The following ZNF680 variants were observed in gnomAD, a reference collection of about 807,000 sequenced individuals.
The protein encoded by ZNF680 is zinc finger protein 680.
In ZNF680, 6 loss-of-function variants were observed where a neutral mutation model predicts 12.1. The observed-to-expected ratio is 0.49, with a 90% CI of 0.27 to 0.98. The LOEUF (loss-of-function observed/expected upper bound fraction) is 0.98, where lower values mean the gene tolerates loss of function less well. Ranked by LOEUF, ZNF680 falls within the 50% of genes least tolerant of loss-of-function variation. The pLI is 0.12. For missense variants in ZNF680, 561 were observed against 616.3 expected (o/e 0.91, Z 0.95); for synonymous variants, 170 against 199.3 (o/e 0.85, Z 1.24).
At chr7:64,517,834 C>T (rs577458249), downstream of ZNF680, among the ~76,000 whole-genome samples, 1 of 151,672 alleles carries the variant, frequency 6.6e-6, no homozygotes, top group African/African-American at 2.4e-5. Flanking sequence ...GAATTATGAA[C>T]AATGATCATC....
At chr7:64,517,637 T>C (rs1391564401), downstream of ZNF680, among the ~76,000 whole-genome samples, 1 of 151,344 alleles carries the variant, frequency 6.6e-6, no homozygotes, top group East Asian at 1.9e-4. Context: ...GAAAAGGACA[T>C]AGCCAAAAAA....
At position 64,528,742 on chromosome 7, in the gene ZNF680, C is replaced by T. The variant is rs144939877; in HGVS notation, c.254-6242G>A. 4.4e-3 allele frequency among the ~76,000 whole-genome samples: 671 copies of T among 152,272 alleles called. 4 individuals are homozygous for T. The highest frequency in any genetic ancestry group is 5.3e-3 in the Non-Finnish European group (363 of 68,036). On this transcript the variant is annotated intron_variant, in intron 3 of 3. Transcript: ENST00000309683. ...ACCCAGTGGTCCTTCCCTACCCACA[C>T]TCGTATCTGAACACAAAGGGCATAT...
chr7:64,509,840 AAGG>A, the ZNF680 span, among the ~76,000 whole-genome samples: 57 of 152,144 alleles, frequency 3.7e-4, no homozygotes, highest in African/African-American at 1.2e-3. Context: ...GGAGAGAGAG[AAGG>A]AGGAGAAAGA....
At chr7:64,530,324 A>G (rs1785792665) in intron 3 of ZNF680, among the ~76,000 whole-genome samples, 2 of 152,202 alleles carry the variant, frequency 1.3e-5, no homozygotes, top group African/African-American at 4.8e-5. Context: ...TCTCACATCT[A>G]AATACTAACA....
In ZNF680 at chr7:64,521,134, A is replaced by G. The variant is rs1345412054; in HGVS notation, c.*27T>C. 10 of 1,570,720 alleles carry G rather than the reference A, an allele frequency of 6.4e-6. No individual in the cohort carries two copies. Among genetic ancestry groups the G allele is most frequent in the Non-Finnish European group, 8.6e-6 (10 of 1,160,406 alleles). On this transcript the variant is annotated 3_prime_UTR_variant, in exon 4 of 4. Transcript: ENST00000309683. ...CACATTTTTAGGGTTTCTCAACAGG[A>G]TGGTGTCTTTTATGTTTAGAAAAGT...
At chr7:64,544,018 G>T (rs1786645264) in intron 2 of ZNF680, 1 of 592,038 alleles carries the variant, frequency 1.7e-6, no homozygotes, top group Non-Finnish European at 2.8e-6. Context: ...ATTGGTGGGG[G>T]CAATTAAATT....
rs762191321 is a variant in ZNF680 at position 64,544,427 on chromosome 7, T to C, written c.36A>G (p.Pro12=). The change falls in exon 2 of 4, where the codon CCA becomes CCG. Residue 12 remains proline (P), a synonymous_variant. Coordinates refer to ENST00000309683, the MANE Select transcript of ZNF680 (RefSeq NM_178558.5). ...PGPPGSLEMG[P]LTFRDVAIEF... Reference sequence around the variant, plus strand: ...CTATGGCCACATCCCTAAATGTCAGTGGTCCCTGAAAAACACACACACACA... The same window carrying C: ...CTATGGCCACATCCCTAAATGTCAGCGGTCCCTGAAAAACACACACACACA... 1.4e-4 allele frequency: 217 copies of C among 1,590,470 alleles called. No homozygotes were observed. The highest frequency in any genetic ancestry group is 1.8e-4 in the Non-Finnish European group (207 of 1,169,954).
intron 1 of ZNF680, among the ~76,000 whole-genome samples, chr7:64,560,602 A>C (rs1787680163): frequency 6.6e-6 from 1 of 152,190 alleles, no homozygotes; most frequent in South Asian, 2.1e-4. Context: ...ACCTGAGATC[A>C]AGAGTTTGAG....
At chr7:64,539,474 T>G (rs554480371) in intron 3 of ZNF680, among the ~76,000 whole-genome samples, 1 of 151,966 alleles carries the variant, frequency 6.6e-6, no homozygotes, top group South Asian at 2.1e-4. Flanking sequence ...ATTCCACTTA[T>G]GAGATATCTT....
the ZNF680 span, among the ~76,000 whole-genome samples, chr7:64,507,690 T>C: frequency 1.3e-5 from 2 of 151,996 alleles, no homozygotes; most frequent in African/African-American, 4.8e-5. Flanking sequence ...TATCACATTG[T>C]ACCCCATAAA....
Position 64,522,481 on chromosome 7 carries a change from A to G in ZNF680, c.273T>C (p.Thr91=), listed in dbSNP as rs1791599311. 6.6e-7 allele frequency: 1 copy of G among 1,518,514 alleles called. No homozygotes were observed. Among genetic ancestry groups the G allele is most frequent in the Non-Finnish European group, 8.8e-7 (1 of 1,133,806 alleles). 94.1% of individuals were successfully genotyped at this position (1,518,514 alleles called of 1,614,324 possible). Residue 91 remains threonine (T), a synonymous_variant, in exon 4 of 4, where the codon ACT becomes ACC. Coordinates refer to ENST00000309683, the MANE Select transcript of ZNF680 (RefSeq NM_178558.5). The part of the protein sequence containing the change: ...AKPPVIYSHF[T]EDLWPEHSIK... ...TGCTATGCTCTGGCCAAAGGTCTTCAGTGAAATGAGAATATATAACTGAAA... is the reference window on the plus strand; with the variant it reads ...TGCTATGCTCTGGCCAAAGGTCTTCGGTGAAATGAGAATATATAACTGAAA...
Position 64,521,489 on chromosome 7 carries a change from G to A in ZNF680, c.1265C>T (p.Thr422Ile), listed in dbSNP as rs1430372514. 1.9e-6 allele frequency: 3 copies of A among 1,613,402 alleles called. No individual in the cohort carries two copies. Among genetic ancestry groups the A allele is most frequent in the Non-Finnish European group, 1.7e-6 (2 of 1,179,702 alleles). Residue 422 changes from threonine (T) to isoleucine (I), a missense_variant, in exon 4 of 4, where the codon ACT becomes ATT. Thr to Ile is a moderately conservative substitution (Grantham distance 89). Coordinates refer to ENST00000309683, the MANE Select transcript of ZNF680 (RefSeq NM_178558.5). ...TCTAGTGTGAATTCTCTTATGTCGA[G>A]TAAGGCTGGAGCACCCATTAAAAGC... ...GKAFNGCSSL[T>I]RHKRIHTREN...
chr7:64,508,123 G>GTATATATATATATATATA, the ZNF680 span, among the ~76,000 whole-genome samples: 440 of 117,604 alleles, frequency 3.7e-3, 34 homozygotes, highest in African/African-American at 0.016. Context: ...ATTTTAAAAT[G>GTATATATATATATATATA]TATATATATA....
At chr7:64,502,896 C>CTT in the ZNF680 span, among the ~76,000 whole-genome samples, 1 of 147,850 alleles carries the variant, frequency 6.8e-6, no homozygotes. Context: ...CGTCTGTGAA[C>CTT]TTTTTTTTTT....
At chr7:64,544,162 TACATGGA>T in intron 2 of ZNF680, 137 bp downstream of exon 2, 1 of 1,279,362 alleles carries the variant, frequency 7.8e-7, no homozygotes, top group Admixed American at 2.4e-5. Flanking sequence ...AATTTTTTTC[TACATGGA>T]CAAAGCTCAA....
At chr7:64,535,458 GAA>G (rs927172392) in intron 3 of ZNF680, among the ~76,000 whole-genome samples, 4 of 142,074 alleles carry the variant, frequency 2.8e-5, no homozygotes, top group African/African-American at 1.0e-4. Flanking sequence ...CAGAGAGAGA[GAA>G]AGAGAAAAAG....
chr7:64,557,724 A>T (rs889837438), intron 1 of ZNF680, among the ~76,000 whole-genome samples: 3 of 152,156 alleles, frequency 2.0e-5, no homozygotes, highest in Non-Finnish European at 4.4e-5. Flanking sequence ...CCCTGTCTCT[A>T]CTAAGAATAC....
At position 64,521,089 on chromosome 7, in the gene ZNF680, G is replaced by T; in HGVS notation, c.*72C>A. On this transcript the variant is annotated 3_prime_UTR_variant, in exon 4 of 4. Coordinates refer to ENST00000309683, the MANE Select transcript of ZNF680 (RefSeq NM_178558.5). ...CTACAAGCAAGTGTAACAATCATTG[G>T]AAGGCTTTGTCAAATTCTTCACATT... 1.4e-6 allele frequency: 2 copies of T among 1,435,940 alleles called. No homozygotes were observed. Among genetic ancestry groups the T allele is most frequent in the Non-Finnish European group, 1.9e-6 (2 of 1,062,356 alleles). 88.9% of individuals were successfully genotyped at this position (1,435,940 alleles called of 1,614,324 possible). A position where few individuals can be genotyped will look rare whatever the true frequency, so the allele number is the denominator to read the frequency against.
chr7:64,508,148 A>ATATATATATATATATACACATAATT, the ZNF680 span, among the ~76,000 whole-genome samples: 1 of 95,386 alleles, frequency 1.0e-5, no homozygotes, highest in African/African-American at 5.5e-5. Context: ...TATATACATA[A>ATATATATATATATATACACATAATT]TTTTTTTTTT....
Sources: allele counts gnomAD v4.1 joint callset (sites outside exome capture counted in the v4.1 genomes callset), GRCh38; gene constraint gnomAD v4.1.1; transcripts MANE v1.5; gene names NCBI Gene and HGNC (gene_info 2026-07-23, HGNC 2026-07-21).